Variants in EXOC2 observed in about 807,000 individuals in gnomAD.
The protein encoded by EXOC2 is exocyst complex component 2.
Under a neutral mutation model 131.8 loss-of-function variants are expected in EXOC2, and 70 were observed. The ratio of observed to expected loss-of-function variants is 0.53; its 90% CI spans 0.44 to 0.65. The LOEUF is 0.65. Ranked by LOEUF, EXOC2 falls within the 30% of genes least tolerant of loss-of-function variation. The probability of loss-of-function intolerance (pLI) is 0.00; values close to 1 mark genes in which losing one functional copy is unlikely to be tolerated. For missense variants in EXOC2, 923 were observed against 1,108.6 expected, an observed-to-expected ratio of 0.83 and a Z score of 2.38; for synonymous variants, 411 against 398.4, an observed-to-expected ratio of 1.03 and a Z score of -0.38.
intron 1 of EXOC2, among the ~76,000 whole-genome samples, chr6:644,363 G>A (rs568034563): frequency 3.3e-4 from 50 of 152,206 alleles, no homozygotes; most frequent in African/African-American, 1.1e-3. Flanking sequence ...ATCTAATAAA[G>A]AACTATTTGA....
In EXOC2 at chr6:626,863, G is replaced by A. The variant is rs370895823; in HGVS notation, c.422+2972C>T. The stretch of plus-strand genomic sequence containing the variant: ...CCGCCTCGGCCTCTCAAAGTGCTGG[G>A]ATTACAGGCGTGAGCCACCACGCCC... On this transcript the variant is annotated intron_variant, in intron 4 of 27. Coordinates refer to ENST00000230449, the MANE Select transcript of EXOC2 (RefSeq NM_018303.6). Among the ~76,000 whole-genome samples, 874 of 152,298 alleles carry A rather than the reference G, an allele frequency of 5.7e-3. 8 individuals carry two copies. The highest frequency in any genetic ancestry group is 0.02 in the African/African-American group (833 of 41,554).
At position 598,948 on chromosome 6, in the gene EXOC2, A is replaced by G. The variant is rs780157524; in HGVS notation, c.889-7T>C. ...TAACCACATCATAATCACCCTTTAA[A>G]ATAAAGAAACATTTTGAAAACTGTC... is the stretch of plus-strand genomic sequence containing the variant. On this transcript the variant is annotated splice_region_variant and splice_polypyrimidine_tract_variant and intron_variant, in intron 8 of 27. Coordinates refer to ENST00000230449, the MANE Select transcript of EXOC2 (RefSeq NM_018303.6). The G allele has an allele frequency of 1.3e-6, 2 of 1,594,184 alleles. No individual in the cohort carries two copies. Among genetic ancestry groups the G allele is most frequent in the Non-Finnish European group, 1.7e-6 (2 of 1,173,696 alleles).
At chr6:491,038 T>A (rs908573704) in intron 26 of EXOC2, 87 bp downstream of exon 26, 2 of 1,340,202 alleles carry the variant, frequency 1.5e-6, no homozygotes, top group Admixed American at 3.4e-5. Flanking sequence ...TGTGCTCTGA[T>A]CAGTCATCTT....
intron 23 of EXOC2, among the ~76,000 whole-genome samples, chr6:517,231 C>T (rs563168719): frequency 1.3e-5 from 2 of 152,180 alleles, no homozygotes; most frequent in South Asian, 4.2e-4. Flanking sequence ...GCTGATTCTA[C>T]GAAGCAAGGA....
chr6:654,803 C>CAAAA (rs66637987), intron 1 of EXOC2, among the ~76,000 whole-genome samples: 1,681 of 29,488 alleles, frequency 0.057, 595 homozygotes, highest in South Asian at 0.077. Flanking sequence ...GACCCTGTCT[C>CAAAA]AAAAAAAAAA....
chr6:550,154 T>C (rs1383004721), intron 21 of EXOC2, among the ~76,000 whole-genome samples: 1 of 152,242 alleles, frequency 6.6e-6, no homozygotes, highest in East Asian at 1.9e-4. Context: ...TTGACTAATC[T>C]AGAGCCTTGA....
intron 16 of EXOC2, among the ~76,000 whole-genome samples, chr6:563,411 C>T (rs556383818): frequency 5.6e-4 from 85 of 152,308 alleles, no homozygotes; most frequent in African/African-American, 2.0e-3. Context: ...CAGTATCGCC[C>T]ACCAATTTTG....
chr6:553,608 C>A (rs899173255), intron 21 of EXOC2, among the ~76,000 whole-genome samples: 2 of 152,122 alleles, frequency 1.3e-5, no homozygotes. Flanking sequence ...ATTTAACACT[C>A]GGAAACCACA....
Position 489,011 on chromosome 6 carries a change from G to C in EXOC2, c.2649C>G (p.Ala883=). The change falls in exon 27 of 28, where the codon GCC becomes GCG. Residue 883 remains alanine (A), a synonymous_variant. Transcript: ENST00000230449. ...CTGCTCCACTGGAAAGCTGGGGCAG[G>C]GCTTCCAAAGCCTGCTTAAAACTTG... ...SKSSFKQALE[A]LPQLSSGADK... 1 of 1,613,882 alleles carries C rather than the reference G, an allele frequency of 6.2e-7. No individual in the cohort carries two copies. The highest frequency in any genetic ancestry group is 2.2e-5 in the East Asian group (1 of 44,890).
intron 1 of EXOC2, among the ~76,000 whole-genome samples, chr6:666,231 G>A (rs1183802898): frequency 6.6e-6 from 1 of 152,204 alleles, no homozygotes; most frequent in Non-Finnish European, 1.5e-5. Flanking sequence ...ATTTTCAGAT[G>A]TAGAAGACAC....
chr6:538,199 T>C (rs1022787445), intron 22 of EXOC2, among the ~76,000 whole-genome samples: 10 of 152,258 alleles, frequency 6.6e-5, no homozygotes, highest in African/African-American at 2.4e-4. Flanking sequence ...ACACAGCTCA[T>C]ACTTTTTGTT....
At chr6:573,596 C>A (rs979667765) in intron 12 of EXOC2, among the ~76,000 whole-genome samples, 1 of 151,990 alleles carries the variant, frequency 6.6e-6, no homozygotes, top group South Asian at 2.1e-4. Context: ...CCAAATACCC[C>A]CAAGCAAAAG....
At chr6:500,113 C>A (rs1257622728) in intron 23 of EXOC2, among the ~76,000 whole-genome samples, 1 of 152,058 alleles carries the variant, frequency 6.6e-6, no homozygotes, top group Non-Finnish European at 1.5e-5. Context: ...CACACACACA[C>A]ACTCAGTATA....
chr6:492,442 G>T (rs1469868159), intron 25 of EXOC2, among the ~76,000 whole-genome samples: 1 of 152,174 alleles, frequency 6.6e-6, no homozygotes, highest in African/African-American at 2.4e-5. Flanking sequence ...GTCCACACAA[G>T]AACTTGTATA....
At chr6:617,599 A>G (rs1761078165) in intron 6 of EXOC2, 112 bp downstream of exon 6, 2 of 1,349,996 alleles carry the variant, frequency 1.5e-6, no homozygotes, top group South Asian at 1.7e-5. Context: ...CACATTTGAG[A>G]TCTCTACTTT....
At chr6:488,175 T>G (rs1763196023) in intron 27 of EXOC2, among the ~76,000 whole-genome samples, 1 of 152,174 alleles carries the variant, frequency 6.6e-6, no homozygotes, top group Non-Finnish European at 1.5e-5. Flanking sequence ...CTGCCTGCTC[T>G]GTGCGTCGAT....
At chr6:592,643 T>C in intron 10 of EXOC2, 56 bp from the exon 11 acceptor site, 9 of 1,372,602 alleles carry the variant, frequency 6.6e-6, no homozygotes, top group Non-Finnish European at 9.2e-6. Context: ...TATTTTAAAA[T>C]CATTACTTTT....
intron 25 of EXOC2, among the ~76,000 whole-genome samples, chr6:495,127 C>CTTT (rs11335527): frequency 3.3e-5 from 4 of 119,622 alleles, no homozygotes; most frequent in African/African-American, 8.7e-5. Context: ...GGTGAACATT[C>CTTT]TTTTTTTTTT....
intron 1 of EXOC2, among the ~76,000 whole-genome samples, chr6:642,571 C>T (rs1366093776): frequency 6.6e-6 from 1 of 152,030 alleles, no homozygotes; most frequent in East Asian, 1.9e-4. Context: ...CAAGATGAAC[C>T]AGACAGAAGA....
Sources: allele counts gnomAD v4.1 joint callset (sites outside exome capture counted in the v4.1 genomes callset), GRCh38; gene constraint gnomAD v4.1.1; transcripts MANE v1.5; gene names NCBI Gene and HGNC (gene_info 2026-07-23, HGNC 2026-07-21).